The following PTK2 variants were observed in gnomAD, a reference collection of about 807,000 sequenced individuals.
PTK2 encodes the protein focal adhesion kinase 1.
Under a neutral mutation model 150.1 loss-of-function variants are expected in PTK2, and 45 were observed. The observed-to-expected ratio is 0.30, with a 90% CI of 0.24 to 0.38. The LOEUF is 0.38. Ranked by LOEUF, PTK2 falls within the 10% of genes least tolerant of loss-of-function variation. The pLI is 1.00. For synonymous variants in PTK2, 432 were observed against 449.2 expected (o/e 0.96, Z 0.48); for missense variants, 919 against 1,307.3 (o/e 0.70, Z 4.58).
chr8:140,909,583 C>A (rs1456473536), intron 2 of PTK2: 2 of 152,204 alleles, frequency 1.3e-5, no homozygotes, highest in Non-Finnish European at 2.9e-5. Flanking sequence ...GCTTAGCTCT[C>A]ACAATTATAC....
intron 1 of PTK2, among the ~76,000 whole-genome samples, chr8:140,956,804 C>A (rs535702183): frequency 7.9e-5 from 12 of 152,330 alleles, no homozygotes; most frequent in African/African-American, 2.9e-4. Context: ...GTGGCTCACA[C>A]CTGTAATCCC....
intron 1 of PTK2, among the ~76,000 whole-genome samples, chr8:140,991,404 T>C (rs939557378): frequency 2.6e-5 from 4 of 152,238 alleles, no homozygotes; most frequent in Non-Finnish European, 5.9e-5. Flanking sequence ...GCTATTTCAA[T>C]GTAAAATTGT....
intron 23 of PTK2, among the ~76,000 whole-genome samples, chr8:140,714,796 CAAAAAAAAAA>C (rs398010102): frequency 1.5e-4 from 7 of 46,864 alleles, no homozygotes; most frequent in South Asian, 1.5e-3. Context: ...GGCTCTGTCT[CAAAAAAAAAA>C]AAAAAAAAAA....
chr8:140,943,367 T>G (rs1023382791), intron 1 of PTK2, among the ~76,000 whole-genome samples: 1 of 152,268 alleles, frequency 6.6e-6, no homozygotes, highest in African/African-American at 2.4e-5. Context: ...TTTCACTTAG[T>G]AGACTGCTTT....
intron 14 of PTK2, among the ~76,000 whole-genome samples, chr8:140,786,771 C>A (rs1253762236): frequency 6.6e-6 from 1 of 152,060 alleles, no homozygotes; most frequent in East Asian, 1.9e-4. Context: ...CACTGGACAC[C>A]ACTTATTCTT....
chr8:140,845,631 T>C (rs1245594319), intron 7 of PTK2, among the ~76,000 whole-genome samples: 1 of 152,204 alleles, frequency 6.6e-6, no homozygotes, highest in African/African-American at 2.4e-5. Flanking sequence ...AGTCTTCCTT[T>C]TAGTGGAATG....
intron 4 of PTK2, chr8:140,879,263 G>A (rs1298437694): frequency 8.7e-6 from 4 of 458,468 alleles, no homozygotes; most frequent in Non-Finnish European, 1.5e-5. Flanking sequence ...AAATCAGATG[G>A]CTCAAAGTAT....
intron 16 of PTK2, among the ~76,000 whole-genome samples, chr8:140,754,506 G>A (rs572321421): frequency 7.2e-5 from 11 of 152,146 alleles, no homozygotes; most frequent in Non-Finnish European, 1.3e-4. Flanking sequence ...GACCGAAAAT[G>A]TCCATTTTAT....
chr8:140,874,412 TCTTA>T lies in PTK2; in HGVS notation c.362+5055_362+5058del, dbSNP rs748308806. On this transcript the variant is annotated intron_variant, in intron 4 of 31. Coordinates refer to ENST00000522684, the Ensembl canonical transcript of PTK2. ...CCTAGCACTTTCATTTGACTAGAGA[TCTTA>T]CTTCTCAGAATTAAAGCCAGAACTG... Among the ~76,000 whole-genome samples, 18 of 152,312 alleles carry T rather than the reference TCTTA, an allele frequency of 1.2e-4. 1 individual carries two copies. Among genetic ancestry groups the T allele is most frequent in the Middle Eastern group, 6.8e-3 (2 of 292 alleles).
intron 12 of PTK2, among the ~76,000 whole-genome samples, chr8:140,799,521 G>A (rs536979266): frequency 1.3e-5 from 2 of 152,284 alleles, no homozygotes; most frequent in South Asian, 4.1e-4. Flanking sequence ...TCCTTGGGAG[G>A]TGTCTAACAA....
rs2100191181 is a variant in PTK2, at chr8:140,980,973, G to A, written c.-122+20152C>T. ...GCTGGGGTTTCATTATGTTAGCCAG[G>A]CTGGTCTCGAACTCTTCACCTCGTG... is the stretch of plus-strand genomic sequence containing the variant. On this transcript the variant is annotated intron_variant, in intron 1 of 31. Transcript: ENST00000522684. Among the ~76,000 whole-genome samples the A allele has an allele frequency of 7.9e-5, 9 of 113,380 alleles. No homozygotes were observed. In the South Asian group the frequency reaches 2.7e-3, roughly 34 times the overall value. 74.4% of individuals were successfully genotyped at this position (113,380 alleles called of 152,430 possible).
chr8:140,995,001 C>A (rs1378207021), intron 1 of PTK2, among the ~76,000 whole-genome samples: 1 of 150,470 alleles, frequency 6.6e-6, no homozygotes, highest in Non-Finnish European at 1.5e-5. Context: ...GGAGAATCGC[C>A]TGAACTGGGA....
intron 2 of PTK2, among the ~76,000 whole-genome samples, chr8:140,919,877 T>G (rs1039811499): frequency 6.6e-6 from 1 of 152,108 alleles, no homozygotes; most frequent in Admixed American, 6.5e-5. Flanking sequence ...AAAGAATCAA[T>G]AGATGTCAGC....
chr8:140,714,448 C>G (rs2100038452), intron 23 of PTK2, among the ~76,000 whole-genome samples: 2 of 149,002 alleles, frequency 1.3e-5, no homozygotes, highest in South Asian at 2.1e-4. Flanking sequence ...AAGACCCCAT[C>G]TTTATTTAAA....
At chr8:140,962,263 A>G (rs868700982) in intron 1 of PTK2, among the ~76,000 whole-genome samples, 1 of 127,564 alleles carries the variant, frequency 7.8e-6, no homozygotes, top group Admixed American at 8.3e-5. Flanking sequence ...GAGGAAGGGA[A>G]GAAGGGAGGG....
chr8:140,760,247 T>C (rs1388051936), intron 16 of PTK2, among the ~76,000 whole-genome samples: 2 of 151,306 alleles, frequency 1.3e-5, no homozygotes, highest in Non-Finnish European at 3.0e-5. Flanking sequence ...AAACAAAACA[T>C]ATATATATAT....
Position 140,940,999 on chromosome 8 carries a change from T to A in PTK2, c.-121-15250A>T, listed in dbSNP as rs545938157. Among the ~76,000 whole-genome samples the A allele has an allele frequency of 2.0e-3, 304 of 152,010 alleles. 2 individuals carry two copies. Among genetic ancestry groups the A allele is most frequent in the African/African-American group, 7.0e-3 (291 of 41,472 alleles). On this transcript the variant is annotated intron_variant, in intron 1 of 31. Transcript: ENST00000522684. ...AAAAATTTTTTTAATTAAAAAAAAA[T>A]AAATTCAACATGTGTAATACAACAA...
chr8:140,735,142 T>C, intron 22 of PTK2, 109 bp downstream of exon 25: 1 of 1,020,804 alleles, frequency 9.8e-7, no homozygotes, highest in East Asian at 2.6e-5. Flanking sequence ...CGAAAAATAG[T>C]TCGGCCTTAG....
intron 5 of PTK2, among the ~76,000 whole-genome samples, chr8:140,861,372 A>T (rs2100135987): frequency 6.6e-6 from 1 of 152,150 alleles, no homozygotes; most frequent in Non-Finnish European, 1.5e-5. Context: ...TAAAATTTTT[A>T]AAAATATTAA....
Sources: gnomAD v4.1 joint callset for allele counts (sites outside exome capture counted in the v4.1 genomes callset) on GRCh38, gnomAD v4.1.1 for gene constraint, MANE v1.5 for transcripts, NCBI Gene and HGNC (gene_info 2026-07-23, HGNC 2026-07-21) for gene names.